MVB12B: variants seen among roughly 807,000 people sequenced by gnomAD.
The protein encoded by MVB12B is ESCRT-I complex subunit MVB12B.
In MVB12B, 16 loss-of-function variants were observed where a neutral mutation model predicts 41.6. The ratio of observed to expected loss-of-function variants is 0.38; its 90% CI spans 0.26 to 0.58. The LOEUF (loss-of-function observed/expected upper bound fraction) is 0.58. MVB12B is among the 20% of genes least tolerant of loss of function. The pLI is 0.62. For synonymous variants in MVB12B, 133 were observed against 139.7 expected (o/e 0.95, Z 0.34); for missense variants, 274 against 380.2 (o/e 0.72, Z 2.32).
intron 2 of MVB12B, among the ~76,000 whole-genome samples, chr9:126,354,489 TC>T: frequency 6.6e-6 from 1 of 152,228 alleles, no homozygotes; most frequent in Non-Finnish European, 1.5e-5. Context: ...TCTCAGAGTA[TC>T]TTCCACAAAA....
In MVB12B at chr9:126,391,990, A is replaced by G; in HGVS notation, c.410-76A>G. ...TCTGCTGCCAGGAATAGGGCGTGAC[A>G]GGGGATGTGGTTTTCAGAATAGAGA... is the stretch of plus-strand genomic sequence containing the variant. On this transcript the variant is annotated intron_variant, in intron 4 of 9. Transcript: ENST00000361171. This position sits in a 1 kb window ranked among gnomAD's most constrained non-coding sequence, Gnocchi z 4.4. 1 of 1,546,378 alleles carries G rather than the reference A, an allele frequency of 6.5e-7. No homozygotes were observed.
Position 126,392,687 on chromosome 9 carries a change from G to T in MVB12B, c.539+492G>T, listed in dbSNP as rs1209081637. On this transcript the variant is annotated intron_variant, in intron 5 of 9. Transcript: ENST00000361171. This position sits in a 1 kb window ranked among gnomAD's most constrained non-coding sequence, Gnocchi z 4.8. Reference sequence around the variant, plus strand: ...GAAGAAAGTGAAACACAATGATGGAGTGGGGGCCTCTTCCGTGAGGGGGTC... The same window carrying T: ...GAAGAAAGTGAAACACAATGATGGATTGGGGGCCTCTTCCGTGAGGGGGTC... Among the ~76,000 whole-genome samples the T allele has an allele frequency of 2.6e-5, 4 of 152,248 alleles. No individual in the cohort carries two copies. The highest frequency in any genetic ancestry group is 5.9e-5 in the Non-Finnish European group (4 of 68,052).
rs116880856 is a variant in MVB12B, at chr9:126,457,996, A to G, written c.758-23373A>G. Among the ~76,000 whole-genome samples, 211 of 152,310 alleles carry G rather than the reference A, an allele frequency of 1.4e-3. 1 individual carries two copies. Among genetic ancestry groups the G allele is most frequent in the Non-Finnish European group, 2.6e-3 (176 of 68,030 alleles). On this transcript the variant is annotated intron_variant, in intron 7 of 9. Transcript: ENST00000361171. The stretch of plus-strand genomic sequence containing the variant: ...TTTTTCACAATAAAGACTGAGCAGA[A>G]AGCGAATAGCCATTCTCACCATCTC...
At chr9:126,479,807 C>G (rs1187780898) in intron 7 of MVB12B, among the ~76,000 whole-genome samples, 1 of 152,212 alleles carries the variant, frequency 6.6e-6, no homozygotes, top group Non-Finnish European at 1.5e-5. Context: ...AAGAAGGTTT[C>G]GTTTCTTTCC....
intron 9 of MVB12B, among the ~76,000 whole-genome samples, chr9:126,494,859 G>A (rs1833796816): frequency 6.6e-6 from 1 of 150,718 alleles, no homozygotes; most frequent in Non-Finnish European, 1.5e-5. Flanking sequence ...AGTGACCAGG[G>A]AGCACCCCAC....
At chr9:126,335,102 C>G (rs1212487190) in intron 1 of MVB12B, 1 of 422,368 alleles carries the variant, frequency 2.4e-6, no homozygotes, top group Non-Finnish European at 3.6e-6. Flanking sequence ...CTGGAAAATT[C>G]TTTGCGATCT....
At chr9:126,349,261 T>G (rs1435142884) in intron 2 of MVB12B, among the ~76,000 whole-genome samples, 4 of 152,152 alleles carry the variant, frequency 2.6e-5, no homozygotes, top group Non-Finnish European at 4.4e-5. Flanking sequence ...AATCGTGTCC[T>G]GGACTGCAAG....
At chr9:126,494,036 G>C (rs1833784274) in intron 9 of MVB12B, among the ~76,000 whole-genome samples, 1 of 152,028 alleles carries the variant, frequency 6.6e-6, no homozygotes, top group African/African-American at 2.4e-5. Flanking sequence ...TTAAATGGAA[G>C]TTTGTAGTTT....
intron 7 of MVB12B, among the ~76,000 whole-genome samples, chr9:126,448,782 C>A (rs1022317969): frequency 2.8e-4 from 43 of 152,156 alleles, no homozygotes; most frequent in Non-Finnish European, 7.4e-5. Flanking sequence ...GGTGCTGAAC[C>A]ATTCATGAGG....
Position 126,459,846 on chromosome 9 carries a change from C to T in MVB12B, c.758-21523C>T, listed in dbSNP as rs1346954455. ...GTCAGAATCGCCAGCTTCAGCCCAC[C>T]CATCTCGAGGGAGAGAAAGGGCTCC... On this transcript the variant is annotated intron_variant, in intron 7 of 9. Transcript: ENST00000361171. The surrounding 1 kb of genome is among the most constrained non-coding windows in gnomAD (Gnocchi z 4.3). 6.6e-6 allele frequency among the ~76,000 whole-genome samples: 1 copy of T among 152,218 alleles called. No homozygotes were observed. The highest frequency in any genetic ancestry group is 1.5e-5 in the Non-Finnish European group (1 of 68,042).
At position 126,459,944 on chromosome 9, in the gene MVB12B, C is replaced by T. The variant is rs183375596; in HGVS notation, c.758-21425C>T. On this transcript the variant is annotated intron_variant, in intron 7 of 9. Coordinates refer to ENST00000361171, the MANE Select transcript of MVB12B (RefSeq NM_033446.3). The surrounding 1 kb of genome is among the most constrained non-coding windows in gnomAD (Gnocchi z 4.3). ...TCTTGTTGGGAAGCAGCTTCCCCTG[C>T]GATTTGGGGCATGTGCTTTGGACTT... Among the ~76,000 whole-genome samples, 14 of 152,288 alleles carry T rather than the reference C, an allele frequency of 9.2e-5. No homozygotes were observed. Among genetic ancestry groups the T allele is most frequent in the Admixed American group, 3.3e-4 (5 of 15,306 alleles).
At chr9:126,469,024 A>G (rs1833258507) in intron 7 of MVB12B, among the ~76,000 whole-genome samples, 1 of 152,156 alleles carries the variant, frequency 6.6e-6, no homozygotes, top group African/African-American at 2.4e-5. Flanking sequence ...ACAAAACAAA[A>G]TTCTGGCCAG....
At chr9:126,415,402 T>C (rs1462994077) in intron 6 of MVB12B, among the ~76,000 whole-genome samples, 1 of 151,092 alleles carries the variant, frequency 6.6e-6, no homozygotes, top group East Asian at 1.9e-4. Flanking sequence ...TAAAATATTT[T>C]AAAAGACAGC....
chr9:126,449,655 C>T (rs951797708), intron 7 of MVB12B, among the ~76,000 whole-genome samples: 3 of 152,178 alleles, frequency 2.0e-5, no homozygotes, highest in Non-Finnish European at 4.4e-5. Context: ...TTCTGAGTCC[C>T]ATGGGCAGGT....
rs1345308807 is a variant in MVB12B, at chr9:126,446,340, A to G, written c.757+24392A>G. Among the ~76,000 whole-genome samples the G allele has an allele frequency of 2.6e-5, 4 of 152,044 alleles. 1 individual carries two copies. The highest frequency in any genetic ancestry group is 4.1e-4 in the South Asian group (2 of 4,828). On this transcript the variant is annotated intron_variant, in intron 7 of 9. Transcript: ENST00000361171. The stretch of plus-strand genomic sequence containing the variant: ...TTATGGTGCATTCTTCTTTAAATAT[A>G]GTACTAGATTTGAGCCACTGCTATT...
At chr9:126,420,014 G>A (rs538371660) in intron 6 of MVB12B, among the ~76,000 whole-genome samples, 6 of 152,148 alleles carry the variant, frequency 3.9e-5, no homozygotes, top group Admixed American at 6.5e-5. Context: ...TGCTTCCGAC[G>A]TGTGCCCTAA....
At chr9:126,335,119 G>A in intron 1 of MVB12B, 1 of 623,152 alleles carries the variant, frequency 1.6e-6, no homozygotes, top group Non-Finnish European at 2.2e-6. Flanking sequence ...ATCTAGGAGA[G>A]CTTAGAAAAA....
chr9:126,461,029 G>A (rs1833077645), intron 7 of MVB12B, among the ~76,000 whole-genome samples: 1 of 152,206 alleles, frequency 6.6e-6, no homozygotes, highest in Non-Finnish European at 1.5e-5. Context: ...ATGAGGTCTG[G>A]GGACAGGTCC....
At chr9:126,382,371 G>T (rs1294322235) in intron 3 of MVB12B, among the ~76,000 whole-genome samples, 1 of 152,192 alleles carries the variant, frequency 6.6e-6, no homozygotes, top group African/African-American at 2.4e-5. Flanking sequence ...AAAAGTCATT[G>T]CTTTATTTTT....
Sources: allele counts gnomAD v4.1 joint callset (sites outside exome capture counted in the v4.1 genomes callset), GRCh38; gene constraint gnomAD v4.1.1; non-coding constraint Gnocchi (gnomAD v3.1); transcripts MANE v1.5; gene names NCBI Gene and HGNC (gene_info 2026-07-23, HGNC 2026-07-21).